ATG7: variants seen among roughly 807,000 people sequenced by gnomAD.
ATG7 encodes autophagy related 7.
In ATG7, 70 loss-of-function variants were observed where a neutral mutation model predicts 82.4. The ratio of observed to expected loss-of-function variants is 0.85; its 90% CI spans 0.70 to 1.04. ATG7 has a LOEUF of 1.04. Among genes scored for constraint, ATG7 ranks in the 50% least tolerant of loss-of-function variants. The probability of loss-of-function intolerance (pLI) is 0.00; values close to 1 mark genes in which losing one functional copy is unlikely to be tolerated. For missense variants in ATG7, 792 were observed against 864.3 expected (o/e 0.92, Z 1.05); for synonymous variants, 287 against 313.0 (o/e 0.92, Z 0.88).
At chr3:11,446,564 A>T (rs926765517) in intron 20 of ATG7, 2 of 426,498 alleles carry the variant, frequency 4.7e-6, no homozygotes, top group Non-Finnish European at 9.2e-6. Context: ...ACATCCAATG[A>T]CAGTGTTAAA....
intron 20 of ATG7, among the ~76,000 whole-genome samples, chr3:11,506,208 G>C (rs2091697418): frequency 6.6e-6 from 1 of 152,130 alleles, no homozygotes; most frequent in Non-Finnish European, 1.5e-5. Flanking sequence ...ATAGACCCCA[G>C]AATATCACAG....
intron 13 of ATG7, among the ~76,000 whole-genome samples, chr3:11,343,627 T>A (rs1268825028): frequency 6.6e-6 from 1 of 152,184 alleles, no homozygotes; most frequent in East Asian, 1.9e-4. Context: ...CTCTTGTTTT[T>A]ATGTTAGAGC....
chr3:11,484,362 C>G (rs1295960393), intron 20 of ATG7, among the ~76,000 whole-genome samples: 2 of 152,306 alleles, frequency 1.3e-5, no homozygotes, highest in East Asian at 3.9e-4. Flanking sequence ...CCACTGTACT[C>G]TAGCCCGGAT....
Position 11,417,807 on chromosome 3 carries a change from T to TATTA in ATG7, c.1957-8997_1957-8996insATTA, listed in dbSNP as rs768786787. Among the ~76,000 whole-genome samples, 1,072 of 124,980 alleles carry TATTA rather than the reference T, an allele frequency of 8.6e-3. 18 individuals carry two copies. Among genetic ancestry groups the TATTA allele is most frequent in the African/African-American group, 0.028 (941 of 33,892 alleles). 82.0% of individuals were successfully genotyped at this position (124,980 alleles called of 152,430 possible). On this transcript the variant is annotated intron_variant, in intron 19 of 20. Transcript: ENST00000693202. ...AAAATTATTATTATTATTATTTTAT[T>TATTA]TTATTTTATTTTTTTTTTTTTTGAG...
chr3:11,320,980 T>C (rs1343889797), intron 9 of ATG7, among the ~76,000 whole-genome samples: 1 of 152,240 alleles, frequency 6.6e-6, no homozygotes, highest in Non-Finnish European at 1.5e-5. Flanking sequence ...CACACATGGT[T>C]ACTGGCGTGA....
chr3:11,335,530 C>G (rs929666592), intron 11 of ATG7, among the ~76,000 whole-genome samples: 3 of 152,154 alleles, frequency 2.0e-5, no homozygotes, highest in African/African-American at 4.8e-5. Flanking sequence ...TAATGTGGGT[C>G]TGGTCTGTGT....
intron 20 of ATG7, among the ~76,000 whole-genome samples, chr3:11,454,217 A>G (rs1576525288): frequency 6.6e-6 from 1 of 152,290 alleles, no homozygotes. Flanking sequence ...AGAGAAGCCC[A>G]GGGTCTCACT....
chr3:11,375,374 AGAC>A (rs2077339167), intron 18 of ATG7, among the ~76,000 whole-genome samples: 1 of 152,254 alleles, frequency 6.6e-6, no homozygotes, highest in South Asian at 2.1e-4. Flanking sequence ...CAAAAAAGAT[AGAC>A]AAGTGGTCAA....
the ATG7 span, among the ~76,000 whole-genome samples, chr3:11,566,664 G>A: frequency 5.9e-5 from 9 of 152,088 alleles, no homozygotes; most frequent in Non-Finnish European, 1.0e-4. Context: ...GTGTACACGC[G>A]GTGCCGCTCT....
chr3:11,436,482 T>G (rs1173226230), intron 20 of ATG7, among the ~76,000 whole-genome samples: 2 of 152,204 alleles, frequency 1.3e-5, no homozygotes, highest in Non-Finnish European at 2.9e-5. Context: ...TACCCAAGGC[T>G]ACTCTGGACA....
intron 19 of ATG7, among the ~76,000 whole-genome samples, chr3:11,399,323 G>A (rs1171804434): frequency 6.6e-6 from 1 of 152,078 alleles, no homozygotes; most frequent in East Asian, 1.9e-4. Context: ...ACTCCAGCCT[G>A]GGCAAAAGAG....
intron 20 of ATG7, among the ~76,000 whole-genome samples, chr3:11,544,339 A>G (rs1255177267): frequency 3.3e-5 from 5 of 152,114 alleles, no homozygotes; most frequent in Non-Finnish European, 7.4e-5. Context: ...CCAGCAAGGG[A>G]AATGGTTAAC....
chr3:11,498,698 CCT>C (rs2091065336), intron 20 of ATG7, among the ~76,000 whole-genome samples: 1 of 152,182 alleles, frequency 6.6e-6, no homozygotes, highest in East Asian at 1.9e-4. Flanking sequence ...AATTCCCAAT[CCT>C]CTTTTTCCTC....
At chr3:11,545,481 G>A (rs1464706334) in intron 20 of ATG7, among the ~76,000 whole-genome samples, 5 of 152,038 alleles carry the variant, frequency 3.3e-5, no homozygotes, top group East Asian at 1.9e-4. Context: ...GAGTCTCCAC[G>A]GCCTGCAGCC....
downstream of ATG7, chr3:11,558,909 A>T: frequency 6.6e-7 from 1 of 1,512,282 alleles, no homozygotes; most frequent in Non-Finnish European, 9.0e-7. Flanking sequence ...TCCCTCAGGC[A>T]GCCCAGAGCC....
chr3:11,366,971 C>CTGTG (rs60183965), intron 18 of ATG7, among the ~76,000 whole-genome samples: 25,916 of 139,494 alleles, frequency 0.19, 2,473 homozygotes, highest in East Asian at 0.3. Flanking sequence ...ATGGGAAAAG[C>CTGTG]TGTGTGTGTG....
chr3:11,482,216 C>T (rs902341115), intron 20 of ATG7, among the ~76,000 whole-genome samples: 13 of 152,168 alleles, frequency 8.5e-5, no homozygotes, highest in African/African-American at 3.1e-4. Flanking sequence ...AATGGCTCTC[C>T]CTGAGCCCTT....
intron 20 of ATG7, among the ~76,000 whole-genome samples, chr3:11,521,674 T>C (rs1363510713): frequency 6.6e-6 from 1 of 151,870 alleles, no homozygotes; most frequent in African/African-American, 2.4e-5. Context: ...TGCCTCAGCC[T>C]CCCGAGTAGC....
At chr3:11,526,050 T>G (rs928340367) in intron 20 of ATG7, among the ~76,000 whole-genome samples, 2 of 152,170 alleles carry the variant, frequency 1.3e-5, no homozygotes, top group Non-Finnish European at 2.9e-5. Flanking sequence ...CTGCTCTGTT[T>G]CCCAAATTCA....
Sources: gnomAD v4.1 joint callset for allele counts (sites outside exome capture counted in the v4.1 genomes callset) on GRCh38, gnomAD v4.1.1 for gene constraint, MANE v1.5 for transcripts, NCBI Gene and HGNC (gene_info 2026-07-23, HGNC 2026-07-21) for gene names.